LARGE1: variants seen among roughly 807,000 people sequenced by gnomAD.
LARGE1 encodes xylosyl- and glucuronyltransferase LARGE1.
In LARGE1, 43 loss-of-function variants were observed where a neutral mutation model predicts 87.6. The observed-to-expected ratio is 0.49, with a 90% CI of 0.38 to 0.63. The LOEUF (loss-of-function observed/expected upper bound fraction) is 0.63. LARGE1 is among the 30% of genes least tolerant of loss of function. The pLI, the probability that LARGE1 is intolerant of heterozygous loss-of-function variation, is 0.00. For synonymous variants in LARGE1, 434 were observed against 394.6 expected, an observed-to-expected ratio of 1.10 and a Z score of -1.18; for missense variants, 802 against 1,000.2, an observed-to-expected ratio of 0.80 and a Z score of 2.67.
intron 11 of LARGE1, among the ~76,000 whole-genome samples, chr22:33,192,680 C>T (rs753100135): frequency 6.6e-6 from 1 of 151,978 alleles, no homozygotes; most frequent in African/African-American, 2.4e-5. Flanking sequence ...TTGATGAAAC[C>T]CTATTTGTCT....
intron 6 of LARGE1, among the ~76,000 whole-genome samples, chr22:33,549,788 C>A (rs1013953077): frequency 1.3e-5 from 2 of 152,160 alleles, no homozygotes. Context: ...AGCCCTGTGT[C>A]CAAGTGTTCT....
intron 6 of LARGE1, among the ~76,000 whole-genome samples, chr22:33,504,830 A>G (rs2070688588): frequency 6.6e-6 from 1 of 152,280 alleles, no homozygotes; most frequent in African/African-American, 2.4e-5. Flanking sequence ...TTAACAAAAC[A>G]TAATACCTTA....
rs148735655 is a variant in LARGE1, at chr22:33,841,389, C to T, written c.-83+78606G>A. Among the ~76,000 whole-genome samples the T allele has an allele frequency of 3.0e-4, 45 of 152,334 alleles. 1 individual carries two copies. The East Asian group carries it at 8.3e-3, about 28-fold the overall frequency. On this transcript the variant is annotated intron_variant, in intron 1 of 14. Transcript: ENST00000397394. Reference sequence around the variant, plus strand: ...GTCCAGAGGTGAATCTACCCTGTGGCAAGGTTTGATCTGGGTCCAGGAGAT... The same window carrying T: ...GTCCAGAGGTGAATCTACCCTGTGGTAAGGTTTGATCTGGGTCCAGGAGAT...
intron 7 of LARGE1, among the ~76,000 whole-genome samples, chr22:33,413,071 T>A (rs1362557463): frequency 2.0e-5 from 3 of 152,236 alleles, no homozygotes; most frequent in African/African-American, 7.2e-5. Flanking sequence ...ATCACTGCAT[T>A]TCTAGACTAT....
intron 3 of LARGE1, among the ~76,000 whole-genome samples, chr22:33,641,757 G>A (rs1397706027): frequency 3.9e-5 from 6 of 152,028 alleles, no homozygotes; most frequent in East Asian, 1.9e-4. Flanking sequence ...ATCGATAGCC[G>A]AATCAATCAA....
At chr22:33,523,653 T>G (rs2071727349) in intron 6 of LARGE1, among the ~76,000 whole-genome samples, 1 of 151,630 alleles carries the variant, frequency 6.6e-6, no homozygotes. Flanking sequence ...GCTATGCCAT[T>G]ATCTGCATTG....
chr22:33,074,246 A>G, the LARGE1 span, among the ~76,000 whole-genome samples: 7 of 152,148 alleles, frequency 4.6e-5, no homozygotes, highest in African/African-American at 1.7e-4. Context: ...TCTCTCCTCC[A>G]TAGAATTCCA....
intron 6 of LARGE1, among the ~76,000 whole-genome samples, chr22:33,432,866 T>C (rs2067130817): frequency 6.6e-6 from 1 of 152,194 alleles, no homozygotes; most frequent in Admixed American, 6.5e-5. Context: ...AATATATTTA[T>C]CTTGTGTCAA....
chr22:33,638,767 T>C (rs2080344087), intron 3 of LARGE1, among the ~76,000 whole-genome samples: 1 of 152,262 alleles, frequency 6.6e-6, no homozygotes, highest in Non-Finnish European at 1.5e-5. Flanking sequence ...TGTAAAGCTC[T>C]AGCATGATGT....
At chr22:33,769,168 G>A (rs1418839297) in intron 1 of LARGE1, among the ~76,000 whole-genome samples, 1 of 152,060 alleles carries the variant, frequency 6.6e-6, no homozygotes, top group Non-Finnish European at 1.5e-5. Context: ...AAACATCTAC[G>A]GACTAGGGTT....
chr22:33,869,354 T>C (rs2064205803), intron 1 of LARGE1, among the ~76,000 whole-genome samples: 1 of 152,112 alleles, frequency 6.6e-6, no homozygotes, highest in Admixed American at 6.5e-5. Context: ...TTTCCATAGA[T>C]ATCTAGACTT....
chr22:33,879,143 T>C (rs1302649832), intron 1 of LARGE1, among the ~76,000 whole-genome samples: 1 of 152,168 alleles, frequency 6.6e-6, no homozygotes, highest in Non-Finnish European at 1.5e-5. Flanking sequence ...TGGCTAATTT[T>C]GTATTTTTAG....
intron 11 of LARGE1, among the ~76,000 whole-genome samples, chr22:33,213,057 G>A (rs1040070419): frequency 6.6e-5 from 10 of 151,730 alleles, no homozygotes; most frequent in South Asian, 2.1e-4. Flanking sequence ...CATGGGAGGA[G>A]ATCAAAATAT....
chr22:33,682,701 T>C (rs2081813885), intron 2 of LARGE1, among the ~76,000 whole-genome samples: 1 of 152,242 alleles, frequency 6.6e-6, no homozygotes, highest in African/African-American at 2.4e-5. Flanking sequence ...GATTCTCTAG[T>C]AACACACACA....
intron 12 of LARGE1, among the ~76,000 whole-genome samples, chr22:33,297,231 A>G (rs1036988743): frequency 2.0e-5 from 3 of 152,190 alleles, no homozygotes; most frequent in Admixed American, 2.0e-4. Context: ...TTAGATGTCA[A>G]GCTGGGGAGA....
chr22:33,383,494 A>T (rs939313628), intron 8 of LARGE1, among the ~76,000 whole-genome samples: 6 of 152,088 alleles, frequency 3.9e-5, no homozygotes, highest in African/African-American at 1.4e-4. Context: ...CAGGAGGCGG[A>T]GGTTGCCGTG....
At chr22:33,291,723 C>T (rs1474489224) in intron 12 of LARGE1, among the ~76,000 whole-genome samples, 1 of 151,452 alleles carries the variant, frequency 6.6e-6, no homozygotes. Flanking sequence ...GAGTTTGGTC[C>T]CATTTTTTTT....
chr22:33,477,072 A>G lies in LARGE1; in HGVS notation c.788-44807T>C, dbSNP rs557068635. ...CAAAGAGATGAAAAAGAAACAGCTC[A>G]GAGCTGCGTGGCGGCTCACCGCTAA... On this transcript the variant is annotated intron_variant, in intron 6 of 14. Transcript: ENST00000397394. Among the ~76,000 whole-genome samples the G allele has an allele frequency of 3.2e-3, 487 of 152,346 alleles. 3 individuals carry two copies. The highest frequency in any genetic ancestry group is 0.021 in the South Asian group (103 of 4,824).
In LARGE1 at chr22:33,200,138, C is replaced by A. The variant is rs114673618; in HGVS notation, c.1731-33306G>T. Reference sequence around the variant, plus strand: ...CTGGGTTTACAAGTGTGAGCCACTGCGCCCAGCCGACACTCTTTTAATTGC... The same window carrying A: ...CTGGGTTTACAAGTGTGAGCCACTGAGCCCAGCCGACACTCTTTTAATTGC... On this transcript the variant is annotated intron_variant, in intron 11 of 11. Coordinates refer to the LARGE1 transcript ENST00000608642. Among the ~76,000 whole-genome samples, 14 of 152,166 alleles carry A rather than the reference C, an allele frequency of 9.2e-5. No individual in the cohort carries two copies. In the South Asian group the frequency reaches 2.9e-3, roughly 32 times the overall value.
Sources: allele counts gnomAD v4.1 joint callset (sites outside exome capture counted in the v4.1 genomes callset), GRCh38; gene constraint gnomAD v4.1.1; transcripts MANE v1.5; gene names NCBI Gene and HGNC (gene_info 2026-07-23, HGNC 2026-07-21).